The following SPSB1 variants were observed in gnomAD, a reference collection of about 807,000 sequenced individuals.
SPSB1 encodes the protein splA/ryanodine receptor domain and SOCS box containing 1.
Under a neutral mutation model 21.2 loss-of-function variants are expected in SPSB1, and 8 were observed. The ratio of observed to expected loss-of-function variants is 0.38; its 90% CI spans 0.22 to 0.68. The LOEUF (loss-of-function observed/expected upper bound fraction) is 0.68. Ranked by LOEUF, SPSB1 falls within the 30% of genes least tolerant of loss-of-function variation. The pLI, the probability that SPSB1 is intolerant of heterozygous loss-of-function variation, is 0.53. For missense variants in SPSB1, 242 were observed against 377.8 expected (o/e 0.64, Z 2.98); for synonymous variants, 169 against 161.7 (o/e 1.05, Z -0.34).
intron 1 of SPSB1, among the ~76,000 whole-genome samples, chr1:9,319,391 TCTC>T (rs1314750478): frequency 6.6e-6 from 1 of 151,514 alleles, no homozygotes; most frequent in African/African-American, 2.4e-5. Context: ...GTGCTTTGCT[TCTC>T]CTCCCTCCTC....
At position 9,324,107 on chromosome 1, in the gene SPSB1, G is replaced by T. The variant is rs1283605107; in HGVS notation, c.-150+31036G>T. On this transcript the variant is annotated intron_variant, in intron 1 of 2. Coordinates refer to ENST00000328089, the MANE Select transcript of SPSB1 (RefSeq NM_025106.4). The surrounding 1 kb of genome is among the most constrained non-coding windows in gnomAD (Gnocchi z 4.3). ...TGTCATGGCCCCACCTTTTTTCCTA[G>T]GTTTTTCAGTCCATATCTTTTTTTG... Among the ~76,000 whole-genome samples, 1 of 152,150 alleles carries T rather than the reference G, an allele frequency of 6.6e-6. No individual in the cohort carries two copies. The highest frequency in any genetic ancestry group is 1.5e-5 in the Non-Finnish European group (1 of 68,032).
At chr1:9,340,808 A>G (rs1245475354) in intron 1 of SPSB1, among the ~76,000 whole-genome samples, 1 of 152,234 alleles carries the variant, frequency 6.6e-6, no homozygotes, top group African/African-American at 2.4e-5. Flanking sequence ...ACCTTTCTCA[A>G]CGCAGCCTGT....
At chr1:9,296,263 T>C (rs1639223707) in intron 1 of SPSB1, among the ~76,000 whole-genome samples, 1 of 152,180 alleles carries the variant, frequency 6.6e-6, no homozygotes, top group Admixed American at 6.5e-5. Flanking sequence ...GAAGTGGGTT[T>C]TGCCTCCATG....
rs1557441141 is a variant in SPSB1 at position 9,292,967 on chromosome 1, GGGCCGC to G, written c.-251_-246del. ...GCTCCAGGCGCCGGCGCCGGGGCCGGGGCCGCGGGGAGGAGGCGACTTCGCTCCCTG... is the reference window on the plus strand; with the variant it reads ...GCTCCAGGCGCCGGCGCCGGGGCCGGGGGGAGGAGGCGACTTCGCTCCCTG... On this transcript the variant is annotated 5_prime_UTR_variant, in exon 1 of 3. Coordinates refer to ENST00000328089, the MANE Select transcript of SPSB1 (RefSeq NM_025106.4). The G allele has an allele frequency of 1.5e-6, 1 of 645,550 alleles. No homozygotes were observed. The highest frequency in any genetic ancestry group is 1.9e-6 in the Non-Finnish European group (1 of 536,514). The allele number at this position is 645,550 out of a possible 1,614,324, so 40.0% of individuals were successfully genotyped here. A position where few individuals can be genotyped will look rare whatever the true frequency, so the allele number is the denominator to read the frequency against.
chr1:9,344,217 A>G (rs900903665), intron 1 of SPSB1, among the ~76,000 whole-genome samples: 1 of 152,204 alleles, frequency 6.6e-6, no homozygotes, highest in Non-Finnish European at 1.5e-5. Context: ...GCCTCATCCT[A>G]GTTCCCTGGA....
chr1:9,367,592 G>C lies in SPSB1; in HGVS notation c.*17G>C, dbSNP rs746342692. On this transcript the variant is annotated 3_prime_UTR_variant, in exon 3 of 3. Coordinates refer to ENST00000328089, the MANE Select transcript of SPSB1 (RefSeq NM_025106.4). This position sits in a 1 kb window ranked among gnomAD's most constrained non-coding sequence, Gnocchi z 5.9. ...TACCAGTGACGTTCGCCATCATACC[G>C]CCAGCGCGACAGCCACCTGGTGCCA... 8.8e-6 allele frequency: 14 copies of C among 1,586,430 alleles called. No homozygotes were observed. The highest frequency in any genetic ancestry group is 1.1e-5 in the Non-Finnish European group (13 of 1,164,072).
Position 9,356,428 on chromosome 1 carries a change from A to G in SPSB1, c.537A>G (p.Val179=). 6.2e-7 allele frequency: 1 copy of G among 1,614,154 alleles called. No homozygotes were observed. The highest frequency in any genetic ancestry group is 8.5e-7 in the Non-Finnish European group (1 of 1,180,032). ...TCATTGTCCCTGACTCCTTCCTGGTAGCCCTGGACATGGACGACGGGACTC... is the reference window on the plus strand; with the variant it reads ...TCATTGTCCCTGACTCCTTCCTGGTGGCCCTGGACATGGACGACGGGACTC... ...ETFIVPDSFL[V]ALDMDDGTLS... is the part of the protein sequence containing the mutation. Residue 179 remains valine, a synonymous_variant, in exon 2 of 3, where the codon GTA becomes GTG. Coordinates refer to ENST00000328089, the MANE Select transcript of SPSB1 (RefSeq NM_025106.4). This position sits in a 1 kb window ranked among gnomAD's most constrained non-coding sequence, Gnocchi z 7.4.
chr1:9,363,962 A>G lies in SPSB1; in HGVS notation c.695-3486A>G, dbSNP rs1315332803. Among the ~76,000 whole-genome samples, 2 of 152,176 alleles carry G rather than the reference A, an allele frequency of 1.3e-5. No individual in the cohort carries two copies. The highest frequency in any genetic ancestry group is 4.8e-5 in the African/African-American group (2 of 41,444). ...GTGATCACCCACCTCGGCCTCCCAA[A>G]GTGCTGGGATTACAGGCATAAGCCA... On this transcript the variant is annotated intron_variant, in intron 2 of 2. Transcript: ENST00000328089. This position sits in a 1 kb window ranked among gnomAD's most constrained non-coding sequence, Gnocchi z 4.5.
intron 1 of SPSB1, among the ~76,000 whole-genome samples, chr1:9,304,970 G>A (rs1456776462): frequency 6.6e-6 from 1 of 152,112 alleles, no homozygotes; most frequent in East Asian, 1.9e-4. Context: ...TCTGCTGCTT[G>A]GGTGCCGTTG....
chr1:9,315,925 A>T (rs1481237246), intron 1 of SPSB1, among the ~76,000 whole-genome samples: 1 of 152,272 alleles, frequency 6.6e-6, no homozygotes, highest in Non-Finnish European at 1.5e-5. Context: ...AGGGCTCGCC[A>T]GTTACGGGTT....
chr1:9,325,669 C>T (rs555592072), intron 1 of SPSB1, among the ~76,000 whole-genome samples: 5 of 152,306 alleles, frequency 3.3e-5, no homozygotes, highest in Non-Finnish European at 5.9e-5. Flanking sequence ...CCCCTGTGTT[C>T]TCACAGGGGA....
rs1009928738 is a variant in SPSB1, at chr1:9,317,280, G to C, written c.-150+24209G>C. 3.9e-5 allele frequency among the ~76,000 whole-genome samples: 6 copies of C among 152,124 alleles called. No homozygotes were observed. Among genetic ancestry groups the C allele is most frequent in the African/African-American group, 1.4e-4 (6 of 41,414 alleles). The stretch of plus-strand genomic sequence containing the variant: ...CACTGGAGAGGGAGGAGGAAGGGAA[G>C]AAGGGAATAAATGTCACTGGCGGAA... On this transcript the variant is annotated intron_variant, in intron 1 of 2. Transcript: ENST00000328089. This position sits in a 1 kb window ranked among gnomAD's most constrained non-coding sequence, Gnocchi z 4.3.
chr1:9,361,580 G>T (rs908023069), intron 2 of SPSB1, among the ~76,000 whole-genome samples: 1 of 152,226 alleles, frequency 6.6e-6, no homozygotes, highest in Non-Finnish European at 1.5e-5. Flanking sequence ...CTACACTGGG[G>T]CCGTGGCCGG....
chr1:9,366,635 G>A (rs752164359), intron 2 of SPSB1, among the ~76,000 whole-genome samples: 3 of 150,442 alleles, frequency 2.0e-5, no homozygotes, highest in Non-Finnish European at 4.4e-5. Flanking sequence ...GTGCAGTGGC[G>A]TGATCTCAGC....
chr1:9,299,521 C>T (rs989620554), intron 1 of SPSB1, among the ~76,000 whole-genome samples: 1 of 152,044 alleles, frequency 6.6e-6, no homozygotes, highest in Non-Finnish European at 1.5e-5. Context: ...CTCTTGTTGC[C>T]TAGGCTGGAG....
chr1:9,335,522 T>C (rs1332279211), intron 1 of SPSB1, among the ~76,000 whole-genome samples: 1 of 147,474 alleles, frequency 6.8e-6, no homozygotes, highest in Non-Finnish European at 1.5e-5. Flanking sequence ...AAAAGATCGT[T>C]GTGGGGTCGG....
At chr1:9,303,142 C>T (rs1399581224) in intron 1 of SPSB1, among the ~76,000 whole-genome samples, 1 of 152,180 alleles carries the variant, frequency 6.6e-6, no homozygotes, top group Non-Finnish European at 1.5e-5. Context: ...ATCTGGACTG[C>T]TCCACAATGA....
At chr1:9,333,798 A>G (rs2100494880) in intron 1 of SPSB1, among the ~76,000 whole-genome samples, 2 of 152,272 alleles carry the variant, frequency 1.3e-5, no homozygotes, top group African/African-American at 4.8e-5. Context: ...GGCCAAATCA[A>G]TAGCAACATT....
At chr1:9,339,962 C>T (rs532583178) in intron 1 of SPSB1, among the ~76,000 whole-genome samples, 2 of 151,810 alleles carry the variant, frequency 1.3e-5, no homozygotes, top group East Asian at 1.9e-4. Flanking sequence ...TGTGTGTTTC[C>T]TCCAGCCCCC....
Sources: gnomAD v4.1 joint callset for allele counts (sites outside exome capture counted in the v4.1 genomes callset) on GRCh38, gnomAD v4.1.1 for gene constraint, Gnocchi (gnomAD v3.1) non-coding constraint, MANE v1.5 for transcripts, NCBI Gene and HGNC (gene_info 2026-07-23, HGNC 2026-07-21) for gene names.